The following AK8 variants were observed in gnomAD, a reference collection of about 807,000 sequenced individuals.
AK8 encodes the protein ATP-AMP transphosphorylase 8.
A neutral mutation model predicts 54.6 loss-of-function variants in AK8; 44 were observed. The observed-to-expected ratio is 0.81, with a 90% CI of 0.63 to 1.04. The LOEUF is 1.04. Among genes scored for constraint, AK8 ranks in the 50% least tolerant of loss-of-function variants. The probability of loss-of-function intolerance (pLI) is 0.00; values close to 1 mark genes in which losing one functional copy is unlikely to be tolerated. For synonymous variants in AK8, 239 were observed against 245.6 expected (o/e 0.97, Z 0.25); for missense variants, 555 against 613.6 (o/e 0.90, Z 1.01).
intron 5 of AK8, among the ~76,000 whole-genome samples, chr9:132,853,498 G>A (rs1212287236): frequency 1.3e-5 from 2 of 152,058 alleles, no homozygotes; most frequent in Non-Finnish European, 2.9e-5. Flanking sequence ...AACCACAGTG[G>A]TCAGAAGTAA....
chr9:132,849,138 G>A (rs1842874264), intron 5 of AK8, among the ~76,000 whole-genome samples: 1 of 152,032 alleles, frequency 6.6e-6, no homozygotes. Context: ...TCAATCTTTG[G>A]ATCTCATGAT....
At chr9:132,756,101 G>A (rs1383857477) in intron 11 of AK8, among the ~76,000 whole-genome samples, 2 of 152,172 alleles carry the variant, frequency 1.3e-5, no homozygotes, top group Non-Finnish European at 2.9e-5. Flanking sequence ...GTATTCCTCA[G>A]CTGCCCTTAG....
chr9:132,776,575 C>T (rs779598845), intron 11 of AK8, among the ~76,000 whole-genome samples: 32 of 152,360 alleles, frequency 2.1e-4, no homozygotes, highest in Non-Finnish European at 3.7e-4. Flanking sequence ...GTCCCTCAAA[C>T]AGCTGTGCCA....
At chr9:132,778,920 G>A (rs183070107) in intron 11 of AK8, among the ~76,000 whole-genome samples, 1,706 of 150,468 alleles carry the variant, frequency 0.011, 17 homozygotes, top group Middle Eastern at 0.044. Flanking sequence ...CTGAACAAAA[G>A]GGCAATTTTG....
At chr9:132,795,924 C>T (rs1209866687) in intron 10 of AK8, among the ~76,000 whole-genome samples, 4 of 152,240 alleles carry the variant, frequency 2.6e-5, no homozygotes, top group African/African-American at 4.8e-5. Context: ...CATTGTTTAG[C>T]GGTGAGAATT....
chr9:132,725,884 T>C lies in AK8; in HGVS notation c.1244A>G (p.Gln415Arg). ...CTTTGGGTTCTGCAGGAGGCGAGCC[T>C]GGATCTCCATGGTGGGAGGTGGCTT... ...MYKPPPTMEI[Q>R]ARLLQNPKDA... is the part of the protein sequence containing the mutation. Residue 415 changes from glutamine to arginine, a missense_variant, in exon 13 of 13, where the codon CAG becomes CGG. Physicochemically the swap from Gln to Arg is conservative, Grantham distance 43 (BLOSUM62 1). Transcript: ENST00000298545. 1 of 1,611,720 alleles carries C rather than the reference T, an allele frequency of 6.2e-7. No individual in the cohort carries two copies. Among genetic ancestry groups the C allele is most frequent in the Non-Finnish European group, 8.5e-7 (1 of 1,179,578 alleles).
chr9:132,804,181 T>C (rs915459044), intron 10 of AK8, among the ~76,000 whole-genome samples: 1 of 148,850 alleles, frequency 6.7e-6, no homozygotes, highest in African/African-American at 2.5e-5. Context: ...CTCACCCGAA[T>C]AGAAATGCAG....
chr9:132,823,657 T>C (rs1313098889), intron 8 of AK8, among the ~76,000 whole-genome samples: 1 of 152,208 alleles, frequency 6.6e-6, no homozygotes, highest in Non-Finnish European at 1.5e-5. Flanking sequence ...GTGTTGCAGT[T>C]GGGAGACTGG....
intron 11 of AK8, among the ~76,000 whole-genome samples, chr9:132,780,650 T>C (rs921037987): frequency 2.6e-5 from 4 of 152,200 alleles, no homozygotes; most frequent in African/African-American, 9.7e-5. Context: ...AAGGAACCTA[T>C]ATAGCAGTTT....
chr9:132,795,050 G>A (rs534061150), intron 10 of AK8, among the ~76,000 whole-genome samples: 2 of 152,340 alleles, frequency 1.3e-5, no homozygotes, highest in Non-Finnish European at 2.9e-5. Context: ...TGTGGTCAGG[G>A]CGTGCCAGCA....
At chr9:132,756,393 G>A (rs954389) in intron 11 of AK8, among the ~76,000 whole-genome samples, 32,372 of 152,220 alleles carry the variant, frequency 0.21, 4,119 homozygotes, top group African/African-American at 0.35. Context: ...TGTGGAGCTT[G>A]GCTCCGAAGC....
rs578003731 is a variant in AK8 at position 132,789,597 on chromosome 9, C to CAAAAAAAAAAAAAAA, written c.1121+3022_1121+3036dup. ...GGGCGACAGAGTGATACTCATCTCA[C>CAAAAAAAAAAAAAAA]AAAAAAAAAAAAAAAAAAAAAAAAA... On this transcript the variant is annotated intron_variant, in intron 11 of 12. Transcript: ENST00000298545. 1.6e-4 allele frequency among the ~76,000 whole-genome samples: 9 copies of CAAAAAAAAAAAAAAA among 57,532 alleles called. 1 individual carries two copies. Among genetic ancestry groups the CAAAAAAAAAAAAAAA allele is most frequent in the Non-Finnish European group, 2.2e-4 (7 of 32,312 alleles). The allele number at this position is 57,532 out of a possible 152,430, so 37.7% of individuals were successfully genotyped here.
intron 2 of AK8, 113 bp from the exon 3 acceptor site, chr9:132,867,066 T>C: frequency 9.9e-7 from 1 of 1,008,820 alleles, no homozygotes. Flanking sequence ...TTTCTGCCAG[T>C]GACACGGCCA....
At chr9:132,732,551 C>T (rs1025098379) in intron 11 of AK8, among the ~76,000 whole-genome samples, 3 of 152,180 alleles carry the variant, frequency 2.0e-5, no homozygotes, top group East Asian at 3.9e-4. Context: ...TGATCCAAGC[C>T]GGGTCTATGA....
At chr9:132,761,762 TCTTTC>T (rs1838482450) in intron 11 of AK8, among the ~76,000 whole-genome samples, 2 of 152,092 alleles carry the variant, frequency 1.3e-5, no homozygotes. Context: ...ATCTGTTCTT[TCTTTC>T]CTTTCTTTCT....
rs370307434 is a variant in AK8 at position 132,878,222 on chromosome 9, G to C, written c.34C>G (p.Pro12Ala). Reference sequence around the variant, plus strand: ...TCCTCCCCGTACTGGGGCATCTCGGGGGGGATACGGTGCGGGGCGATAGTG... The same window carrying C: ...TCCTCCCCGTACTGGGGCATCTCGGCGGGGATACGGTGCGGGGCGATAGTG... ...DATIAPHRIP[P>A]EMPQYGEENH... The change falls in exon 1 of 13, where the codon CCC becomes GCC. Residue 12 changes from proline to alanine, a missense_variant. Physicochemically the swap from Pro to Ala is conservative, Grantham distance 27 (BLOSUM62 -1). Coordinates refer to ENST00000298545, the MANE Select transcript of AK8 (RefSeq NM_152572.3). This position sits in a 1 kb window ranked among gnomAD's most constrained non-coding sequence, Gnocchi z 4.7. 12 of 1,458,566 alleles carry C rather than the reference G, an allele frequency of 8.2e-6. No homozygotes were observed. The highest frequency in any genetic ancestry group is 5.1e-5 in the East Asian group (2 of 39,584). The allele number at this position is 1,458,566 out of a possible 1,614,324, so 90.4% of individuals were successfully genotyped here. A position where few individuals can be genotyped will look rare whatever the true frequency, so the allele number is the denominator to read the frequency against.
At chr9:132,827,316 G>T in intron 7 of AK8, 1 of 545,510 alleles carries the variant, frequency 1.8e-6, no homozygotes, top group East Asian at 3.1e-5. Context: ...CTCTGTGCCA[G>T]CCACTCTGAT....
At chr9:132,843,131 C>T (rs912571131) in intron 5 of AK8, among the ~76,000 whole-genome samples, 1 of 152,092 alleles carries the variant, frequency 6.6e-6, no homozygotes, top group Non-Finnish European at 1.5e-5. Flanking sequence ...GATATGTGTC[C>T]CCACCCAAAT....
At chr9:132,754,636 C>T (rs1435079356) in intron 11 of AK8, among the ~76,000 whole-genome samples, 9 of 152,148 alleles carry the variant, frequency 5.9e-5, no homozygotes, top group Admixed American at 3.3e-4. Context: ...CTGCTGTTCC[C>T]GGGAGGACAG....
Sources: gnomAD v4.1 joint callset for allele counts (sites outside exome capture counted in the v4.1 genomes callset) on GRCh38, gnomAD v4.1.1 for gene constraint, Gnocchi (gnomAD v3.1) non-coding constraint, MANE v1.5 for transcripts, NCBI Gene and HGNC (gene_info 2026-07-23, HGNC 2026-07-21) for gene names.